TMEM116: variants seen among roughly 807,000 people sequenced by gnomAD.
The protein encoded by TMEM116 is transmembrane protein 116.
A neutral mutation model predicts 44.3 loss-of-function variants in TMEM116; 38 were observed. That is an observed-to-expected ratio of 0.86 (90% CI 0.66 to 1.12). TMEM116 has a LOEUF of 1.12. Among genes scored for constraint, TMEM116 ranks in the 50% most tolerant of loss-of-function variants. The pLI is 0.00. For synonymous variants in TMEM116, 132 were observed against 144.8 expected (o/e 0.91, Z 0.64); for missense variants, 354 against 401.7 (o/e 0.88, Z 1.01).
intron 4 of TMEM116, among the ~76,000 whole-genome samples, chr12:111,977,759 A>C (rs1374909443): frequency 6.6e-5 from 10 of 152,128 alleles, no homozygotes; most frequent in African/African-American, 2.2e-4. Flanking sequence ...ATATTATAAG[A>C]GACAGGAAAG....
chr12:112,008,969 C>T (rs2077713328), intron 1 of TMEM116, among the ~76,000 whole-genome samples: 1 of 149,106 alleles, frequency 6.7e-6, no homozygotes, highest in Non-Finnish European at 1.5e-5. Context: ...GAGCGAAACT[C>T]CATTTCAAAA....
chr12:111,984,314 G>A (rs1368004495), intron 4 of TMEM116, among the ~76,000 whole-genome samples: 1 of 152,062 alleles, frequency 6.6e-6, no homozygotes, highest in Non-Finnish European at 1.5e-5. Flanking sequence ...AAGAAGCCAG[G>A]CACAGAAAGG....
intron 9 of TMEM116, among the ~76,000 whole-genome samples, chr12:111,933,484 T>A (rs1394448958): frequency 3.3e-5 from 5 of 149,736 alleles, no homozygotes; most frequent in Admixed American, 6.7e-5. Flanking sequence ...TTTGCAGCCA[T>A]CCTTCTTTTT....
chr12:111,932,650 A>G lies in TMEM116; in HGVS notation c.743T>C (p.Leu248Pro). 1 of 1,614,108 alleles carries G rather than the reference A, an allele frequency of 6.2e-7. No homozygotes were observed. The highest frequency in any genetic ancestry group is 2.2e-5 in the East Asian group (1 of 44,876). Reference protein sequence around the residue: ...FFCCWGPAVILMIIKLTKPQD... With the variant: ...FFCCWGPAVIPMIIKLTKPQD... ...TGGCTTAGTCAGCTTTATGATCATT[A>G]GAATGACAGCTGTGAATACACAAAG... The change falls in exon 10 of 11, where the codon CTA (leucine) becomes CCA (proline). Residue 248 changes from leucine to proline, a missense_variant. Leu to Pro is a moderately conservative substitution (Grantham distance 98). Transcript: ENST00000552374.
At position 111,993,843 on chromosome 12, in the gene TMEM116, T is replaced by C. The variant is rs1434025315; in HGVS notation, c.79-1954A>G. The stretch of plus-strand genomic sequence containing the variant: ...CTCACCCTGATGATTCTGTGGTATC[T>C]GTGTTGAATAAAGAAAAAGGTAGCA... On this transcript the variant is annotated intron_variant, in intron 3 of 10. Transcript: ENST00000552374. The C allele has an allele frequency of 8.0e-6, 6 of 749,804 alleles. No individual in the cohort carries two copies. The African/African-American group carries it at 1.0e-4, about 13-fold the overall frequency. The allele number at this position is 749,804 out of a possible 1,614,324, so 46.4% of individuals were successfully genotyped here. A position where few individuals can be genotyped will look rare whatever the true frequency, so the allele number is the denominator to read the frequency against.
chr12:111,965,138 T>C (rs1374080887), intron 4 of TMEM116, among the ~76,000 whole-genome samples: 6 of 152,222 alleles, frequency 3.9e-5, no homozygotes, highest in Non-Finnish European at 5.9e-5. Flanking sequence ...GTCTAGGACC[T>C]CTTCATCGGC....
chr12:112,007,508 A>G (rs2077649223), intron 1 of TMEM116, among the ~76,000 whole-genome samples: 1 of 152,346 alleles, frequency 6.6e-6, no homozygotes, highest in South Asian at 2.1e-4. Flanking sequence ...ACATTGTTAA[A>G]TAGAGGTTAA....
At chr12:111,960,725 A>C (rs1161957931) in intron 4 of TMEM116, among the ~76,000 whole-genome samples, 1 of 152,082 alleles carries the variant, frequency 6.6e-6, no homozygotes, top group African/African-American at 2.4e-5. Flanking sequence ...GGAGGAAGCA[A>C]GAAAAATTTA....
intron 3 of TMEM116, chr12:112,000,613 C>T (rs2077200363): frequency 5.6e-6 from 2 of 358,692 alleles, no homozygotes; most frequent in Admixed American, 3.3e-5. Flanking sequence ...TGCAGTCTTA[C>T]TTACTTACTT....
intron 4 of TMEM116, chr12:111,965,486 A>C: frequency 6.2e-6 from 1 of 160,082 alleles, no homozygotes; most frequent in South Asian, 1.5e-4. Context: ...AAAGAGAGGA[A>C]AGAGTCAGGT....
At chr12:111,984,091 T>G (rs2076092349) in intron 4 of TMEM116, among the ~76,000 whole-genome samples, 1 of 152,172 alleles carries the variant, frequency 6.6e-6, no homozygotes, top group Non-Finnish European at 1.5e-5. Context: ...CTATTTCAAT[T>G]AATGCAGAAA....
intron 4 of TMEM116, among the ~76,000 whole-genome samples, chr12:111,953,446 T>C (rs2073877974): frequency 6.6e-6 from 1 of 152,154 alleles, no homozygotes; most frequent in Admixed American, 6.5e-5. Flanking sequence ...ATGGAGTCAC[T>C]CGGGTCAAAT....
chr12:111,932,963 G>A (rs1312878800), intron 9 of TMEM116, among the ~76,000 whole-genome samples: 2 of 152,130 alleles, frequency 1.3e-5, no homozygotes, highest in Non-Finnish European at 1.5e-5. Context: ...CAATCTGGGC[G>A]GGCGCAGTGG....
chr12:112,010,323 G>A (rs535749096), intron 1 of TMEM116: 2 of 152,244 alleles, frequency 1.3e-5, no homozygotes, highest in East Asian at 3.9e-4. Flanking sequence ...GGGGTCTTTG[G>A]GGTGTCCATT....
At chr12:111,978,405 G>GAA (rs147006413) in intron 4 of TMEM116, among the ~76,000 whole-genome samples, 21 of 146,748 alleles carry the variant, frequency 1.4e-4, no homozygotes, top group African/African-American at 5.2e-4. Flanking sequence ...TCAAAAAAAA[G>GAA]AAAAAAAAAG....
intron 4 of TMEM116, among the ~76,000 whole-genome samples, chr12:111,988,689 C>T (rs1271843802): frequency 7.0e-6 from 1 of 143,422 alleles, no homozygotes; most frequent in African/African-American, 2.6e-5. Context: ...CAGAGTGAGA[C>T]TCCATCTCAA....
intron 4 of TMEM116, among the ~76,000 whole-genome samples, chr12:111,948,354 G>A (rs1024506168): frequency 1.3e-5 from 2 of 152,142 alleles, no homozygotes; most frequent in African/African-American, 4.8e-5. Context: ...TAGGTTAGGG[G>A]GAAGAGGGTT....
intron 3 of TMEM116, among the ~76,000 whole-genome samples, chr12:112,001,381 A>T (rs563355021): frequency 6.6e-6 from 1 of 152,220 alleles, no homozygotes; most frequent in African/African-American, 2.4e-5. Flanking sequence ...TGATATGATC[A>T]TAGCTCACTG....
In TMEM116 at chr12:111,943,384, A is replaced by G. The variant is rs1229492202; in HGVS notation, c.211-15T>C. The G allele has an allele frequency of 4.5e-6, 7 of 1,569,590 alleles. No individual in the cohort carries two copies. Among genetic ancestry groups the G allele is most frequent in the Non-Finnish European group, 5.3e-6 (6 of 1,140,008 alleles). Reference sequence around the variant, plus strand: ...ATGTAGAATATCTAGGTTAAAATCAAAACAACCCATCATAACTATCTCACT... The same window carrying G: ...ATGTAGAATATCTAGGTTAAAATCAGAACAACCCATCATAACTATCTCACT... On this transcript the variant is annotated splice_polypyrimidine_tract_variant and intron_variant, in intron 4 of 10. Transcript: ENST00000552374.
Sources: gnomAD v4.1 joint callset for allele counts (sites outside exome capture counted in the v4.1 genomes callset) on GRCh38, gnomAD v4.1.1 for gene constraint, MANE v1.5 for transcripts, NCBI Gene and HGNC (gene_info 2026-07-23, HGNC 2026-07-21) for gene names.